DOCK3: variants seen among roughly 807,000 people sequenced by gnomAD.
DOCK3 encodes the protein dedicator of cytokinesis protein 3.
Under a neutral mutation model 265.6 loss-of-function variants are expected in DOCK3, and 60 were observed. The observed-to-expected ratio is 0.23, with a 90% CI of 0.18 to 0.28. The LOEUF is 0.28. Ranked by LOEUF, DOCK3 falls within the 10% of genes least tolerant of loss-of-function variation. The pLI is 1.00. For missense variants in DOCK3, 1,981 were observed against 2,594.3 expected, an observed-to-expected ratio of 0.76 and a Z score of 5.14; for synonymous variants, 881 against 938.0, an observed-to-expected ratio of 0.94 and a Z score of 1.11.
At chr3:51,022,373 T>C (rs2079629591) in intron 5 of DOCK3, among the ~76,000 whole-genome samples, 1 of 152,208 alleles carries the variant, frequency 6.6e-6, no homozygotes, top group Admixed American at 6.5e-5. Flanking sequence ...TGGATTTCTT[T>C]TTATTTATGC....
intron 12 of DOCK3, among the ~76,000 whole-genome samples, chr3:51,168,542 T>C (rs1313877404): frequency 1.3e-5 from 2 of 152,140 alleles, no homozygotes; most frequent in Non-Finnish European, 2.9e-5. Context: ...TAGCAATAAG[T>C]ATAAGATTGA....
intron 40 of DOCK3, among the ~76,000 whole-genome samples, chr3:51,352,634 A>G (rs988918225): frequency 1.2e-4 from 18 of 152,380 alleles, no homozygotes; most frequent in African/African-American, 3.8e-4. Context: ...AACGAGAGGC[A>G]TAATGCATGT....
chr3:51,121,381 C>A (rs1446253914), intron 9 of DOCK3, among the ~76,000 whole-genome samples: 1 of 152,144 alleles, frequency 6.6e-6, no homozygotes, highest in African/African-American at 2.4e-5. Context: ...ATGCAGAAAT[C>A]ACCCCGCTTC....
At chr3:51,116,283 C>G (rs1047821542) in intron 9 of DOCK3, among the ~76,000 whole-genome samples, 3 of 151,846 alleles carry the variant, frequency 2.0e-5, no homozygotes, top group Non-Finnish European at 4.4e-5. Context: ...AACCCCGTCT[C>G]TACTAAAAAT....
At chr3:51,295,017 T>A (rs897382429) in intron 27 of DOCK3, among the ~76,000 whole-genome samples, 18 of 152,354 alleles carry the variant, frequency 1.2e-4, no homozygotes, top group African/African-American at 3.8e-4. Context: ...TATATACAAT[T>A]ATTATTTGTC....
intron 27 of DOCK3, among the ~76,000 whole-genome samples, chr3:51,280,904 C>T (rs2081074863): frequency 6.6e-6 from 1 of 152,114 alleles, no homozygotes; most frequent in South Asian, 2.1e-4. Flanking sequence ...CAGCCACTTT[C>T]AATTCTTTTG....
chr3:50,716,122 C>T (rs2107966928), intron 1 of DOCK3, among the ~76,000 whole-genome samples: 1 of 151,824 alleles, frequency 6.6e-6, no homozygotes, highest in South Asian at 2.1e-4. Flanking sequence ...TTATCAATGC[C>T]TCTTTCAAAA....
chr3:51,212,528 C>G (rs2089570547), intron 13 of DOCK3, among the ~76,000 whole-genome samples: 1 of 150,594 alleles, frequency 6.6e-6, no homozygotes, highest in Non-Finnish European at 1.5e-5. Context: ...TGGGCTGTCT[C>G]CTAAGTCAGT....
At chr3:51,277,987 T>C (rs2080906243) in intron 26 of DOCK3, 2 of 985,418 alleles carry the variant, frequency 2.0e-6, no homozygotes, top group African/African-American at 3.5e-5. Context: ...ATGTTTCTTG[T>C]CCTGTTTTCC....
chr3:51,142,567 T>G (rs964128059), intron 9 of DOCK3, among the ~76,000 whole-genome samples: 3 of 152,150 alleles, frequency 2.0e-5, no homozygotes, highest in Non-Finnish European at 4.4e-5. Context: ...TACATCCCAG[T>G]AGTTTGTTTT....
At chr3:51,260,474 C>T in intron 23 of DOCK3, 148 bp downstream of exon 23, 3 of 1,004,738 alleles carry the variant, frequency 3.0e-6, no homozygotes, top group South Asian at 2.1e-5. Context: ...CCTGATACAA[C>T]AAAATGCTGC....
At chr3:51,084,153 GATAT>G (rs2082336632) in intron 7 of DOCK3, among the ~76,000 whole-genome samples, 1 of 152,034 alleles carries the variant, frequency 6.6e-6, no homozygotes, top group Non-Finnish European at 1.5e-5. Context: ...CATGGGCAAA[GATAT>G]AGAAAACCTG....
chr3:51,072,877 T>TC (rs1283562411), intron 6 of DOCK3, among the ~76,000 whole-genome samples: 1 of 151,666 alleles, frequency 6.6e-6, no homozygotes, highest in Non-Finnish European at 1.5e-5. Flanking sequence ...GGCTAATTTT[T>TC]TTTTTTTTTT....
At chr3:51,203,506 A>G (rs113955124) in intron 12 of DOCK3, among the ~76,000 whole-genome samples, 1 of 152,238 alleles carries the variant, frequency 6.6e-6, no homozygotes. Context: ...TGCTCAGTGA[A>G]ATTAAAGAGG....
chr3:51,376,632 C>G (rs1419339359), intron 51 of DOCK3, among the ~76,000 whole-genome samples: 1 of 152,220 alleles, frequency 6.6e-6, no homozygotes, highest in Non-Finnish European at 1.5e-5. Context: ...CCTAGCTGCT[C>G]CATCTATTGG....
rs2079779134 is a variant in DOCK3 at position 51,260,220 on chromosome 3, G to T, written c.2249G>T (p.Gly750Val). Residue 750 changes from glycine to valine, a missense_variant, in exon 23 of 53, where the codon GGA (glycine) becomes GTA (valine). Gly to Val is a moderately radical substitution (Grantham distance 109, BLOSUM62 -3). This residue lies in a region of DOCK3 where 1,357 missense variants were observed against 1,866.8 expected (regional missense o/e 0.73). Transcript: ENST00000266037. Reference sequence around the variant, plus strand: ...ATCCTGTACTCACGAGCCACTTGTGGAATGGAAGAGGAACAATTCAGATCC... The same window carrying T: ...ATCCTGTACTCACGAGCCACTTGTGTAATGGAAGAGGAACAATTCAGATCC... ...SRILYSRATC[G>V]MEEEQFRSSI... 4 of 1,613,852 alleles carry T rather than the reference G, an allele frequency of 2.5e-6. No homozygotes were observed. The highest frequency in any genetic ancestry group is 3.4e-6 in the Non-Finnish European group (4 of 1,179,846).
chr3:51,025,518 C>T (rs2079777258), intron 5 of DOCK3, among the ~76,000 whole-genome samples: 1 of 152,142 alleles, frequency 6.6e-6, no homozygotes, highest in African/African-American at 2.4e-5. Context: ...GCAACCACAG[C>T]TTTCAGGCCG....
chr3:51,232,386 T>A (rs2078163262), intron 19 of DOCK3, among the ~76,000 whole-genome samples: 1 of 152,204 alleles, frequency 6.6e-6, no homozygotes, highest in Non-Finnish European at 1.5e-5. Context: ...TTTGGGTAGA[T>A]TCCTAGTAGT....
intron 30 of DOCK3, 129 bp from the exon 31 acceptor site, chr3:51,312,715 G>A (rs749448573): frequency 1.3e-5 from 16 of 1,247,080 alleles, no homozygotes; most frequent in Non-Finnish European, 1.7e-5. Flanking sequence ...TCAGTCGAGA[G>A]CCCAAAGGCT....
Sources: gnomAD v4.1 joint callset for allele counts (sites outside exome capture counted in the v4.1 genomes callset) on GRCh38, gnomAD v4.1.1 for gene constraint, gnomAD v4.1.1 regional missense constraint, MANE v1.5 for transcripts, NCBI Gene and HGNC (gene_info 2026-07-23, HGNC 2026-07-21) for gene names.